Variants in FAM240C observed in about 807,000 individuals in gnomAD.
FAM240C encodes family with sequence similarity 240 member C, also known as protein FAM240C.
In FAM240C, 14 loss-of-function variants were observed where a neutral mutation model predicts 10.0. The observed-to-expected ratio is 1.40, with a 90% CI of 0.92 to 2.19. The LOEUF (loss-of-function observed/expected upper bound fraction) is 2.19, where lower values mean the gene tolerates loss of function less well. Among genes scored for constraint, FAM240C ranks in the 30% most tolerant of loss-of-function variants. FAM240C has a pLI of 0.00. For synonymous variants in FAM240C, 49 were observed against 44.3 expected (o/e 1.11, Z -0.42); for missense variants, 154 against 122.3 (o/e 1.26, Z -1.22).
chr2:241,894,341 T>C lies in FAM240C; in HGVS notation c.162-2A>G. The C allele has an allele frequency of 6.5e-7, 1 of 1,541,220 alleles. No individual in the cohort carries two copies. Among genetic ancestry groups the C allele is most frequent in the Non-Finnish European group, 8.8e-7 (1 of 1,142,484 alleles). Reference sequence around the variant, plus strand: ...TGCTCAGCCCATCCCACGCGGAGCCTGGGGCAGGGCGATAATTTCGGCATT... The same window carrying C: ...TGCTCAGCCCATCCCACGCGGAGCCCGGGGCAGGGCGATAATTTCGGCATT... On this transcript the variant is annotated splice_acceptor_variant, in intron 2 of 2. Transcript: ENST00000404031. LOFTEE classifies it high-confidence loss of function.
At position 241,900,017 on chromosome 2, in the gene FAM240C, C is replaced by T. The variant is rs760774184; in HGVS notation, c.12+341G>A. ...GGGAGGCGGAGGTTGCAGTGAGCCG[C>T]GATCATGCCACTGCACTCCAGCCTG... On this transcript the variant is annotated intron_variant, in intron 1 of 2. Coordinates refer to ENST00000404031, the MANE Select transcript of FAM240C (RefSeq NM_001382368.1). This position sits in a 1 kb window ranked among gnomAD's most constrained non-coding sequence, Gnocchi z 4.5. 6.6e-6 allele frequency among the ~76,000 whole-genome samples: 1 copy of T among 151,942 alleles called. No homozygotes were observed. The highest frequency in any genetic ancestry group is 2.4e-5 in the African/African-American group (1 of 41,368).
chr2:241,901,253 C>T (rs1330191223), upstream of FAM240C, among the ~76,000 whole-genome samples: 1 of 152,170 alleles, frequency 6.6e-6, no homozygotes, highest in Non-Finnish European at 1.5e-5. This position sits in a 1 kb window ranked among gnomAD's most constrained non-coding sequence, Gnocchi z 4.9. Flanking sequence ...AGGCTTTGTC[C>T]TGGACGGGGT....
Position 241,900,250 on chromosome 2 carries a change from CGTCTT to C in FAM240C, c.12+103_12+107del, listed in dbSNP as rs1559470387. ...CCCCAGCGAAATGCGGGTGGGCTCACGTCTTGTGCCAGATATGTCACATACTCTGT... is the reference window on the plus strand; with the variant it reads ...CCCCAGCGAAATGCGGGTGGGCTCACGTGCCAGATATGTCACATACTCTGT... On this transcript the variant is annotated intron_variant, in intron 1 of 2. Transcript: ENST00000404031. The surrounding 1 kb of genome is among the most constrained non-coding windows in gnomAD (Gnocchi z 4.5). 3.0e-6 allele frequency: 2 copies of C among 676,602 alleles called. No homozygotes were observed. The highest frequency in any genetic ancestry group is 3.6e-5 in the African/African-American group (2 of 56,088). 41.9% of individuals were successfully genotyped at this position (676,602 alleles called of 1,614,324 possible).
At chr2:241,900,483 G>A (rs1052894803), upstream of FAM240C, 4 of 682,934 alleles carry the variant, frequency 5.9e-6, no homozygotes, top group Admixed American at 2.1e-5. The surrounding 1 kb of genome is among the most constrained non-coding windows in gnomAD (Gnocchi z 4.5). Context: ...TCAGTGACAC[G>A]CATGCTTGGC....
chr2:241,899,891 C>A (rs537993649), intron 1 of FAM240C, among the ~76,000 whole-genome samples: 2 of 152,218 alleles, frequency 1.3e-5, no homozygotes, highest in East Asian at 3.9e-4. Flanking sequence ...CACGGTGAAA[C>A]CCCGTCTTCA....
intron 2 of FAM240C, among the ~76,000 whole-genome samples, chr2:241,896,935 C>T (rs4973669): frequency 6.6e-6 from 1 of 150,674 alleles, no homozygotes; most frequent in African/African-American, 2.5e-5. Flanking sequence ...ATCTGAGCTC[C>T]TGGTCTCACG....
intron 1 of FAM240C, among the ~76,000 whole-genome samples, chr2:241,898,882 C>T (rs890780670): frequency 3.3e-5 from 5 of 152,218 alleles, no homozygotes; most frequent in African/African-American, 4.8e-5. Context: ...AGCCGCTGTC[C>T]GGCCAGCTCC....
intron 2 of FAM240C, among the ~76,000 whole-genome samples, 165 bp downstream of exon 2, chr2:241,897,021 G>T (rs1701860971): frequency 6.6e-6 from 1 of 151,920 alleles, no homozygotes; most frequent in African/African-American, 2.4e-5. Flanking sequence ...ATGGCTGTCA[G>T]TTTCCTCCTG....
chr2:241,902,480 G>A (rs1264990977), upstream of FAM240C: 1 of 153,328 alleles, frequency 6.5e-6, no homozygotes, highest in Non-Finnish European at 1.5e-5. The surrounding 1 kb of genome is among the most constrained non-coding windows in gnomAD (Gnocchi z 7.1). Context: ...TGCCAGCCCC[G>A]TCCTGCGCCC....
Position 241,897,312 on chromosome 2 carries a change from A to G in FAM240C, c.35T>C (p.Leu12Pro), listed in dbSNP as rs1387938138. Reference sequence around the variant, plus strand: ...GTATGCTACTCTTCCAGGATTCTTAAGAGTGAGGCTTTTACTCATGTTCTG... The same window carrying G: ...GTATGCTACTCTTCCAGGATTCTTAGGAGTGAGGCTTTTACTCATGTTCTG... ...VGKNMSKSLT[L>P]KNPGRVAYDS... The change falls in exon 2 of 3, where the codon CTT becomes CCT. Residue 12 changes from leucine (L) to proline (P), a missense_variant. Physicochemically the swap from Leu to Pro is moderately conservative, Grantham distance 98. Coordinates refer to ENST00000404031, the MANE Select transcript of FAM240C (RefSeq NM_001382368.1). The G allele has an allele frequency of 1.3e-6, 2 of 1,549,624 alleles. No homozygotes were observed. Among genetic ancestry groups the G allele is most frequent in the Non-Finnish European group, 1.7e-6 (2 of 1,146,476 alleles).
chr2:241,897,716 T>C (rs1701887600), intron 1 of FAM240C, among the ~76,000 whole-genome samples: 1 of 152,246 alleles, frequency 6.6e-6, no homozygotes, highest in Non-Finnish European at 1.5e-5. Flanking sequence ...GATGGGGCTG[T>C]GGCTTCTGTG....
chr2:241,897,847 A>G (rs942644314), intron 1 of FAM240C, among the ~76,000 whole-genome samples: 1 of 152,098 alleles, frequency 6.6e-6, no homozygotes, highest in African/African-American at 2.4e-5. Context: ...TGATTGTCCC[A>G]CCTCAGCTTC....
intron 2 of FAM240C, 115 bp from the exon 3 acceptor site, chr2:241,894,454 T>G: frequency 2.5e-6 from 3 of 1,190,782 alleles, no homozygotes; most frequent in Non-Finnish European, 3.4e-6. Context: ...TGACACTCCC[T>G]GCCAGGGGTG....
chr2:241,896,841 G>T (rs111652573), intron 2 of FAM240C, among the ~76,000 whole-genome samples: 5 of 137,516 alleles, frequency 3.6e-5, no homozygotes, highest in South Asian at 2.5e-4. Context: ...GTGTTGGGGT[G>T]TGGGTGAAGG....
chr2:241,895,964 G>T (rs977686527), intron 2 of FAM240C, among the ~76,000 whole-genome samples: 2 of 21,822 alleles, frequency 9.2e-5, no homozygotes, highest in Non-Finnish European at 1.8e-4. Context: ...ACTCGGTGGT[G>T]GGGGGGGGCC....
At chr2:241,899,557 T>C (rs1701933647) in intron 1 of FAM240C, among the ~76,000 whole-genome samples, 1 of 152,094 alleles carries the variant, frequency 6.6e-6, no homozygotes, top group Non-Finnish European at 1.5e-5. Flanking sequence ...CCTCCCGGAG[T>C]GAAGCTGGGG....
chr2:241,898,007 C>T (rs558258063), intron 1 of FAM240C, among the ~76,000 whole-genome samples: 2 of 152,292 alleles, frequency 1.3e-5, no homozygotes, highest in African/African-American at 4.8e-5. Context: ...AGTGCTGGGA[C>T]TACAGGTGTG....
rs1305321745 is a variant in FAM240C at position 241,900,102 on chromosome 2, A to G, written c.12+256T>C. Among the ~76,000 whole-genome samples, 3 of 152,170 alleles carry G rather than the reference A, an allele frequency of 2.0e-5. No individual in the cohort carries two copies. Among genetic ancestry groups the G allele is most frequent in the African/African-American group, 4.8e-5 (2 of 41,534 alleles). On this transcript the variant is annotated intron_variant, in intron 1 of 2. Coordinates refer to ENST00000404031, the MANE Select transcript of FAM240C (RefSeq NM_001382368.1). The surrounding 1 kb of genome is among the most constrained non-coding windows in gnomAD (Gnocchi z 4.5). The stretch of plus-strand genomic sequence containing the variant: ...ACAACAGCAACAAAACAAAACAACA[A>G]TGACAACAACAGACACACAAAGGGG...
chr2:241,900,309 G>A lies in FAM240C; in HGVS notation c.12+49C>T, dbSNP rs536592746. 1.1e-5 allele frequency: 8 copies of A among 716,612 alleles called. No homozygotes were observed. Among genetic ancestry groups the A allele is most frequent in the African/African-American group, 1.7e-5 (1 of 57,336 alleles). 44.4% of individuals were successfully genotyped at this position (716,612 alleles called of 1,614,324 possible). A position where few individuals can be genotyped will look rare whatever the true frequency, so the allele number is the denominator to read the frequency against. The stretch of plus-strand genomic sequence containing the variant: ...CCTTTTGGGGGCCCCCAAATGCAGC[G>A]CCAATCTCTCAAGCAAGGACAGCGC... On this transcript the variant is annotated intron_variant, in intron 1 of 2. Transcript: ENST00000404031. The surrounding 1 kb of genome is among the most constrained non-coding windows in gnomAD (Gnocchi z 4.5).
Sources: allele counts gnomAD v4.1 joint callset (sites outside exome capture counted in the v4.1 genomes callset), GRCh38; gene constraint gnomAD v4.1.1; non-coding constraint Gnocchi (gnomAD v3.1); transcripts MANE v1.5; gene names NCBI Gene and HGNC (gene_info 2026-07-23, HGNC 2026-07-21).